Variants in ENTHD1 observed in about 807,000 individuals in gnomAD.
ENTHD1 encodes the protein ENTH domain containing 1.
ENTHD1 carries 23 observed loss-of-function variants against 39.1 expected under a neutral mutation model. The observed-to-expected ratio is 0.59, with a 90% confidence interval of 0.42 to 0.83. ENTHD1 has a LOEUF of 0.83. Among genes scored for constraint, ENTHD1 ranks in the 40% least tolerant of loss-of-function variants. The pLI is 0.00. For synonymous variants in ENTHD1, 230 were observed against 258.2 expected (o/e 0.89, Z 1.05); for missense variants, 624 against 705.4 (o/e 0.88, Z 1.31).
intron 5 of ENTHD1, among the ~76,000 whole-genome samples, chr22:39,778,697 C>T (rs554008064): frequency 1.3e-5 from 2 of 152,314 alleles, no homozygotes; most frequent in South Asian, 4.2e-4. Context: ...TTCTTCCAGA[C>T]AGAGGCAGTT....
chr22:39,782,784 A>G (rs538689882), intron 5 of ENTHD1, among the ~76,000 whole-genome samples: 1 of 152,134 alleles, frequency 6.6e-6, no homozygotes, highest in Non-Finnish European at 1.5e-5. Context: ...ATACCTCAAC[A>G]TAATAAAGGC....
intron 5 of ENTHD1, among the ~76,000 whole-genome samples, chr22:39,784,580 ACAC>A (rs1473282352): frequency 9.3e-5 from 14 of 149,736 alleles, no homozygotes; most frequent in African/African-American, 3.5e-4. Flanking sequence ...ACACACACAC[ACAC>A]TAGAATATTC....
intron 6 of ENTHD1, among the ~76,000 whole-genome samples, chr22:39,755,624 T>C (rs1048880931): frequency 6.6e-6 from 1 of 152,152 alleles, no homozygotes; most frequent in Non-Finnish European, 1.5e-5. Flanking sequence ...CATTTACTTG[T>C]TCCTGAGCAT....
Position 39,779,038 on chromosome 22 carries a change from G to T in ENTHD1, c.833-13429C>A, listed in dbSNP as rs371815373. Among the ~76,000 whole-genome samples, 3 of 152,158 alleles carry T rather than the reference G, an allele frequency of 2.0e-5. No individual in the cohort carries two copies. In the South Asian group the frequency reaches 6.2e-4, roughly 31 times the overall value. On this transcript the variant is annotated intron_variant, in intron 5 of 6. Transcript: ENST00000325157. ...AAGGTATAAGAGATTATAAAAACAG[G>T]CCAGGTGTGGTGGCTTATGCCTGTA...
intron 5 of ENTHD1, among the ~76,000 whole-genome samples, chr22:39,814,071 T>C (rs2065714278): frequency 6.6e-6 from 1 of 152,044 alleles, no homozygotes; most frequent in Non-Finnish European, 1.5e-5. Flanking sequence ...TGATTGGATA[T>C]CATAAAAATG....
intron 4 of ENTHD1, among the ~76,000 whole-genome samples, chr22:39,834,402 CA>C (rs1306622672): frequency 2.0e-5 from 3 of 152,046 alleles, no homozygotes; most frequent in Non-Finnish European, 2.9e-5. Flanking sequence ...CATCATTAGC[CA>C]TTTGGAAAAT....
chr22:39,858,568 ACTAT>A (rs1489241428), intron 3 of ENTHD1, among the ~76,000 whole-genome samples: 1 of 152,254 alleles, frequency 6.6e-6, no homozygotes, highest in African/African-American at 2.4e-5. Flanking sequence ...CAGAGGAATC[ACTAT>A]CTATGGAAGA....
chr22:39,761,661 A>G (rs2065233749), intron 6 of ENTHD1, among the ~76,000 whole-genome samples: 1 of 151,866 alleles, frequency 6.6e-6, no homozygotes, highest in South Asian at 2.1e-4. Context: ...GATGATTTCT[A>G]TTGATCTATT....
At chr22:39,836,665 C>A (rs920196970) in intron 3 of ENTHD1, among the ~76,000 whole-genome samples, 9 of 151,884 alleles carry the variant, frequency 5.9e-5, no homozygotes, top group African/African-American at 1.7e-4. Context: ...GATTTGTGTC[C>A]CCACCCAAGT....
At position 39,743,519 on chromosome 22, in the gene ENTHD1, A is replaced by G. The variant is rs2065075432; in HGVS notation, c.*160T>C. ...TCCCTTTTAAAAAATAAACCACCCAAATGAAAGTATTAGTTTGAAAGATAC... is the reference window on the plus strand; with the variant it reads ...TCCCTTTTAAAAAATAAACCACCCAGATGAAAGTATTAGTTTGAAAGATAC... On this transcript the variant is annotated 3_prime_UTR_variant, in exon 7 of 7. Coordinates refer to ENST00000325157, the MANE Select transcript of ENTHD1 (RefSeq NM_152512.4). 1.3e-6 allele frequency: 1 copy of G among 783,140 alleles called. No homozygotes were observed. The highest frequency in any genetic ancestry group is 3.5e-5 in the Admixed American group (1 of 28,444). 48.5% of individuals were successfully genotyped at this position (783,140 alleles called of 1,614,324 possible). A position where few individuals can be genotyped will look rare whatever the true frequency, so the allele number is the denominator to read the frequency against.
At chr22:39,824,295 C>T (rs1005586933) in intron 4 of ENTHD1, among the ~76,000 whole-genome samples, 10 of 149,560 alleles carry the variant, frequency 6.7e-5, no homozygotes, top group Admixed American at 3.4e-4. Flanking sequence ...CTGCAACCTC[C>T]GCCTCCAGGG....
At chr22:39,790,709 AC>A (rs1481248019) in intron 5 of ENTHD1, among the ~76,000 whole-genome samples, 4 of 152,042 alleles carry the variant, frequency 2.6e-5, no homozygotes, top group Non-Finnish European at 4.4e-5. Context: ...TCAGACCCTG[AC>A]TACACTCCCA....
intron 2 of ENTHD1, among the ~76,000 whole-genome samples, chr22:39,881,437 A>C (rs1292560030): frequency 6.6e-6 from 1 of 152,218 alleles, no homozygotes; most frequent in Non-Finnish European, 1.5e-5. Flanking sequence ...ATGCGTTGAG[A>C]AATTATTTGA....
At chr22:39,866,026 T>A (rs1013618092) in intron 2 of ENTHD1, among the ~76,000 whole-genome samples, 1 of 152,160 alleles carries the variant, frequency 6.6e-6, no homozygotes, top group Non-Finnish European at 1.5e-5. Context: ...CTCTTCAAAT[T>A]TGGAGTATCA....
At chr22:39,834,847 A>G (rs2065896078) in intron 4 of ENTHD1, among the ~76,000 whole-genome samples, 1 of 152,198 alleles carries the variant, frequency 6.6e-6, no homozygotes, top group Admixed American at 6.5e-5. Flanking sequence ...CAGGAGCATT[A>G]CACTGAGCGA....
intron 6 of ENTHD1, among the ~76,000 whole-genome samples, chr22:39,753,199 G>A (rs2065160216): frequency 6.6e-6 from 1 of 152,192 alleles, no homozygotes; most frequent in Admixed American, 6.5e-5. Flanking sequence ...CAAGAACAGT[G>A]TAGCTGAACA....
intron 5 of ENTHD1, among the ~76,000 whole-genome samples, chr22:39,771,161 AT>A: frequency 6.6e-6 from 1 of 152,092 alleles, no homozygotes; most frequent in Middle Eastern, 3.4e-3. Context: ...TATTTTTGTG[AT>A]AATGGCAGAG....
chr22:39,766,073 C>T (rs2065275903), intron 5 of ENTHD1, among the ~76,000 whole-genome samples: 1 of 139,180 alleles, frequency 7.2e-6, no homozygotes, highest in Admixed American at 7.0e-5. Flanking sequence ...AAGCTTTCTC[C>T]CCAAAAATAA....
intron 3 of ENTHD1, among the ~76,000 whole-genome samples, chr22:39,851,598 T>G (rs548148336): frequency 6.6e-6 from 1 of 152,328 alleles, no homozygotes; most frequent in East Asian, 1.9e-4. Flanking sequence ...GAGTACACTT[T>G]CTCAATTCAG....
Sources: allele counts gnomAD v4.1 joint callset (sites outside exome capture counted in the v4.1 genomes callset), GRCh38; gene constraint gnomAD v4.1.1; transcripts MANE v1.5; gene names NCBI Gene and HGNC (gene_info 2026-07-23, HGNC 2026-07-21).